TLK1: variants seen among roughly 807,000 people sequenced by gnomAD.
The protein encoded by TLK1 is tousled like kinase 1, also known as serine/threonine-protein kinase tousled-like 1.
In TLK1, 24 loss-of-function variants were observed where a neutral mutation model predicts 105.3. The ratio of observed to expected loss-of-function variants is 0.23; its 90% CI spans 0.17 to 0.32. TLK1 has a LOEUF of 0.32. Ranked by LOEUF, TLK1 falls within the 10% of genes least tolerant of loss-of-function variation. The pLI is 1.00. For missense variants in TLK1, 558 were observed against 910.5 expected (o/e 0.61, Z 4.98); for synonymous variants, 321 against 310.4 (o/e 1.03, Z -0.36).
chr2:171,219,218 A>G (rs1391845573), intron 1 of TLK1, among the ~76,000 whole-genome samples: 2 of 152,218 alleles, frequency 1.3e-5, no homozygotes, highest in Non-Finnish European at 2.9e-5. Context: ...AGGTGTTGGC[A>G]GGGCTGCACA....
intron 1 of TLK1, among the ~76,000 whole-genome samples, chr2:171,218,973 G>A (rs1318646128): frequency 6.6e-6 from 1 of 152,094 alleles, no homozygotes; most frequent in Non-Finnish European, 1.5e-5. Context: ...TACCTTTGAG[G>A]TAGGTATTGT....
At chr2:171,000,924 A>G (rs555624661) in intron 18 of TLK1, among the ~76,000 whole-genome samples, 24 of 152,196 alleles carry the variant, frequency 1.6e-4, no homozygotes, top group African/African-American at 5.3e-4. Context: ...GGAAGCACTC[A>G]TCTCCATCAA....
intron 13 of TLK1, 21 bp from the exon 14 acceptor site, chr2:171,011,475 A>G (rs1684913265): frequency 1.3e-6 from 2 of 1,598,696 alleles, no homozygotes; most frequent in Non-Finnish European, 1.7e-6. Flanking sequence ...GGGGCAAAAA[A>G]CAGACATATT....
chr2:171,157,390 G>A (rs1301183288), intron 1 of TLK1, among the ~76,000 whole-genome samples: 1 of 152,120 alleles, frequency 6.6e-6, no homozygotes, highest in Admixed American at 6.5e-5. Context: ...GATTATAGAA[G>A]ACAAAATGGG....
chr2:171,098,520 T>C (rs971418615), intron 2 of TLK1, among the ~76,000 whole-genome samples: 2 of 152,154 alleles, frequency 1.3e-5, no homozygotes, highest in Non-Finnish European at 2.9e-5. Context: ...AGCCCAGGCC[T>C]AGATGGTTTC....
intron 10 of TLK1, among the ~76,000 whole-genome samples, chr2:171,047,456 T>C (rs1475686893): frequency 6.6e-6 from 1 of 152,194 alleles, no homozygotes; most frequent in African/African-American, 2.4e-5. Flanking sequence ...AATGCAGAAT[T>C]GACCTTACAC....
chr2:171,106,037 T>C (rs62169010), intron 2 of TLK1, among the ~76,000 whole-genome samples: 2 of 152,194 alleles, frequency 1.3e-5, no homozygotes, highest in East Asian at 1.9e-4. Flanking sequence ...TAAAAAAATT[T>C]CTCTCATTCA....
chr2:171,159,093 G>A (rs1036110544), intron 1 of TLK1, among the ~76,000 whole-genome samples: 3 of 152,188 alleles, frequency 2.0e-5, no homozygotes, highest in African/African-American at 2.4e-5. Flanking sequence ...GCTCTGACTA[G>A]CAAATATCGA....
In TLK1 at chr2:171,055,180, AATT is replaced by A. The variant is rs1687437079; in HGVS notation, c.550-11_550-9del. 7.2e-7 allele frequency: 1 copy of A among 1,386,094 alleles called. No individual in the cohort carries two copies. The highest frequency in any genetic ancestry group is 9.5e-7 in the Non-Finnish European group (1 of 1,048,720). The allele number at this position is 1,386,094 out of a possible 1,614,324, so 85.9% of individuals were successfully genotyped here. ...AGGGCTATTCGGTCGAACCTAAAGA[AATT>A]ATTAAAATTTTTATATTAGCAAAAA... On this transcript the variant is annotated splice_polypyrimidine_tract_variant and intron_variant, in intron 6 of 20. Coordinates refer to ENST00000431350, the MANE Select transcript of TLK1 (RefSeq NM_012290.5).
chr2:171,160,913 G>A (rs1692472345), upstream of TLK1: 2 of 253,788 alleles, frequency 7.9e-6, no homozygotes, highest in South Asian at 1.4e-4. This position sits in a 1 kb window ranked among gnomAD's most constrained non-coding sequence, Gnocchi z 4.4. Flanking sequence ...AGGCGGCGGC[G>A]GCGTCACGCG....
chr2:171,196,193 T>C lies in TLK1; in HGVS notation c.-6+34952A>G, dbSNP rs533609557. Among the ~76,000 whole-genome samples, 18 of 151,724 alleles carry C rather than the reference T, an allele frequency of 1.2e-4. No individual in the cohort carries two copies. The South Asian group carries it at 2.9e-3, about 25-fold the overall frequency. On this transcript the variant is annotated intron_variant, in intron 1 of 20. Transcript: ENST00000521943. The stretch of plus-strand genomic sequence containing the variant: ...GTGCAGTGGTATGATCTTGGCTCAC[T>C]GCAACCTCTACCTCCCGGGTTCAAG...
intron 2 of TLK1, among the ~76,000 whole-genome samples, chr2:171,103,264 T>TTATATATATATATATATATACATA (rs571890429): frequency 7.3e-6 from 1 of 136,466 alleles, no homozygotes; most frequent in Admixed American, 7.2e-5. Flanking sequence ...GATCTCAAAT[T>TTATATATATATATATATATACATA]TATATATATA....
At chr2:171,156,250 C>G (rs1692228653) in intron 1 of TLK1, among the ~76,000 whole-genome samples, 1 of 152,300 alleles carries the variant, frequency 6.6e-6, no homozygotes, top group East Asian at 1.9e-4. Flanking sequence ...ATCCAGCTGT[C>G]TTCTCCAAGT....
At chr2:170,995,264 C>T (rs1684000027) in intron 20 of TLK1, among the ~76,000 whole-genome samples, 1 of 152,074 alleles carries the variant, frequency 6.6e-6, no homozygotes, top group African/African-American at 2.4e-5. Flanking sequence ...AAGATGCCCA[C>T]ACCAAGTCAG....
intron 1 of TLK1, among the ~76,000 whole-genome samples, chr2:171,190,744 A>G (rs541813498): frequency 1.2e-4 from 18 of 152,358 alleles, no homozygotes; most frequent in Non-Finnish European, 2.4e-4. Flanking sequence ...ATTTAGGAAC[A>G]TGTCAGGCAG....
At chr2:171,171,307 T>G (rs924844077) in intron 1 of TLK1, among the ~76,000 whole-genome samples, 2 of 151,588 alleles carry the variant, frequency 1.3e-5, no homozygotes, top group Non-Finnish European at 1.5e-5. Context: ...TGAACTGAGA[T>G]CACGCCACTG....
chr2:171,153,489 A>C (rs980099962), intron 1 of TLK1, among the ~76,000 whole-genome samples: 17 of 152,254 alleles, frequency 1.1e-4, no homozygotes, highest in African/African-American at 2.7e-4. Flanking sequence ...CAAAACTTTT[A>C]GTTGAGTGCC....
intron 1 of TLK1, among the ~76,000 whole-genome samples, chr2:171,175,924 TTTTTTGTTTTTG>T (rs1312266080): frequency 6.6e-5 from 10 of 152,012 alleles, no homozygotes; most frequent in East Asian, 3.9e-4. Flanking sequence ...TCAAGGTTTT[TTTTTTGTTTTTG>T]TTTTTGTTTT....
chr2:171,175,832 A>G (rs1692810829), intron 1 of TLK1, among the ~76,000 whole-genome samples: 1 of 152,152 alleles, frequency 6.6e-6, no homozygotes, highest in South Asian at 2.1e-4. Flanking sequence ...TGCACATTAG[A>G]ATCACCTGAG....
Sources: allele counts gnomAD v4.1 joint callset (sites outside exome capture counted in the v4.1 genomes callset), GRCh38; gene constraint gnomAD v4.1.1; non-coding constraint Gnocchi (gnomAD v3.1); transcripts MANE v1.5; gene names NCBI Gene and HGNC (gene_info 2026-07-23, HGNC 2026-07-21).